TMEM132C: variants seen among roughly 807,000 people sequenced by gnomAD.
TMEM132C encodes protein phosphatase 1, regulatory subunit 152.
TMEM132C carries 29 observed loss-of-function variants against 61.4 expected under a neutral mutation model. The observed-to-expected ratio is 0.47, with a 90% confidence interval of 0.35 to 0.64. The LOEUF is 0.64. Ranked by LOEUF, TMEM132C falls within the 30% of genes least tolerant of loss-of-function variation. The pLI is 0.00. For synonymous variants in TMEM132C, 656 were observed against 633.1 expected (o/e 1.04, Z -0.54); for missense variants, 1,408 against 1,476.9 (o/e 0.95, Z 0.76).
chr12:128,464,299 TC>T (rs1053746245), intron 2 of TMEM132C, among the ~76,000 whole-genome samples: 2 of 152,110 alleles, frequency 1.3e-5, no homozygotes, highest in African/African-American at 2.4e-5. Context: ...GCCTTGGACC[TC>T]CCTTTCTCCC....
chr12:128,577,100 C>G (rs926437972), intron 3 of TMEM132C, among the ~76,000 whole-genome samples: 3 of 152,172 alleles, frequency 2.0e-5, no homozygotes, highest in Non-Finnish European at 4.4e-5. Flanking sequence ...TCCCCACAGC[C>G]CCCATCAACC....
intron 3 of TMEM132C, among the ~76,000 whole-genome samples, chr12:128,563,906 C>T (rs1372099859): frequency 6.6e-6 from 1 of 152,166 alleles, no homozygotes; most frequent in Non-Finnish European, 1.5e-5. Flanking sequence ...TGCACTCAGA[C>T]CTTGGCGATG....
intron 4 of TMEM132C, among the ~76,000 whole-genome samples, chr12:128,639,001 GTGATGATGA>G (rs1593129343): frequency 1.1e-5 from 1 of 91,138 alleles, no homozygotes; most frequent in African/African-American, 3.8e-5. Context: ...GGTGATGGTG[GTGATGATGA>G]TGGTGGTGAT....
intron 3 of TMEM132C, among the ~76,000 whole-genome samples, chr12:128,593,924 C>T (rs1465294373): frequency 6.6e-6 from 1 of 152,082 alleles, no homozygotes; most frequent in Admixed American, 6.5e-5. Context: ...AGAATGCTGG[C>T]AGGTGTGGTA....
At chr12:128,345,427 T>C (rs1274693783) in intron 1 of TMEM132C, among the ~76,000 whole-genome samples, 2 of 152,186 alleles carry the variant, frequency 1.3e-5, no homozygotes, top group Admixed American at 6.5e-5. Context: ...TACCTAGTAA[T>C]AGGATTACTG....
At chr12:128,525,165 A>G (rs1364763559) in intron 2 of TMEM132C, among the ~76,000 whole-genome samples, 1 of 152,186 alleles carries the variant, frequency 6.6e-6, no homozygotes, top group Non-Finnish European at 1.5e-5. Context: ...CAGAGGATGA[A>G]TCATGATTGG....
At chr12:128,596,437 G>A (rs974517726) in intron 3 of TMEM132C, among the ~76,000 whole-genome samples, 4 of 148,254 alleles carry the variant, frequency 2.7e-5, no homozygotes, top group African/African-American at 5.0e-5. Flanking sequence ...CCTTTCGCAG[G>A]TCTTGGTACA....
chr12:128,594,059 G>C, intron 3 of TMEM132C, among the ~76,000 whole-genome samples: 1 of 50,008 alleles, frequency 2.0e-5, no homozygotes, highest in Non-Finnish European at 3.9e-5. Flanking sequence ...ACCCACTGAG[G>C]AAACAAGAGG....
chr12:128,406,828 C>G (rs1483774791), intron 1 of TMEM132C, among the ~76,000 whole-genome samples: 1 of 152,164 alleles, frequency 6.6e-6, no homozygotes, highest in African/African-American at 2.4e-5. Context: ...AAGGTGAGCC[C>G]TGTTGCCAAG....
chr12:128,271,647 G>A (rs1358636005), intron 1 of TMEM132C, among the ~76,000 whole-genome samples: 1 of 152,158 alleles, frequency 6.6e-6, no homozygotes, highest in Non-Finnish European at 1.5e-5. Flanking sequence ...TCCTCCTCTG[G>A]AGAATGTGTT....
chr12:128,488,125 T>G (rs903746784), intron 2 of TMEM132C, among the ~76,000 whole-genome samples: 2 of 152,170 alleles, frequency 1.3e-5, no homozygotes, highest in African/African-American at 2.4e-5. Context: ...CAAAGATGGC[T>G]GCATTTACCA....
At chr12:128,517,972 G>C (rs766911065) in intron 2 of TMEM132C, among the ~76,000 whole-genome samples, 1 of 152,178 alleles carries the variant, frequency 6.6e-6, no homozygotes, top group Non-Finnish European at 1.5e-5. Context: ...GTAGAGCCAG[G>C]AACCTCAGGA....
chr12:128,676,079 G>T (rs985615648), intron 5 of TMEM132C, among the ~76,000 whole-genome samples: 6 of 151,904 alleles, frequency 3.9e-5, no homozygotes, highest in African/African-American at 1.5e-4. Context: ...TTCCAATTTT[G>T]TCAGTTGGCC....
intron 4 of TMEM132C, among the ~76,000 whole-genome samples, chr12:128,644,234 C>T (rs1032607722): frequency 1.3e-4 from 20 of 152,110 alleles, no homozygotes; most frequent in Non-Finnish European, 2.1e-4. Flanking sequence ...TCATACAACC[C>T]GGAAATTCTG....
rs61201583 is a variant in TMEM132C, at chr12:128,636,564, T to TTGTG, written c.1305+20267_1305+20270dup. On this transcript the variant is annotated intron_variant, in intron 4 of 8. Coordinates refer to ENST00000435159, the MANE Select transcript of TMEM132C (RefSeq NM_001136103.3). ...TCTGTTTTGTTTTTTGGGTTTTTGT[T>TTGTG]TGTGTGTGTGTGTGTGTGTGTGTGT... Among the ~76,000 whole-genome samples the TTGTG allele has an allele frequency of 6.0e-3, 850 of 142,328 alleles. 3 individuals carry two copies. Among genetic ancestry groups the TTGTG allele is most frequent in the African/African-American group, 0.014 (523 of 38,144 alleles). The allele number at this position is 142,328 out of a possible 152,430, so 93.4% of individuals were successfully genotyped here. A position where few individuals can be genotyped will look rare whatever the true frequency, so the allele number is the denominator to read the frequency against.
Position 128,267,500 on chromosome 12 carries a change from C to A in TMEM132C, c.85+13C>A. 8.1e-7 allele frequency: 1 copy of A among 1,239,426 alleles called. No homozygotes were observed. The highest frequency in any genetic ancestry group is 3.3e-5 in the South Asian group (1 of 30,300). 76.8% of individuals were successfully genotyped at this position (1,239,426 alleles called of 1,614,324 possible). ...CTGCTGGGCAAAGGTAAGGCCGGGG[C>A]GGGTGCCTGGCGCGCCGACGCATGC... is the stretch of plus-strand genomic sequence containing the variant. On this transcript the variant is annotated intron_variant, in intron 1 of 8. Coordinates refer to ENST00000435159, the MANE Select transcript of TMEM132C (RefSeq NM_001136103.3).
At chr12:128,510,422 TA>T (rs1345554613) in intron 2 of TMEM132C, among the ~76,000 whole-genome samples, 1 of 152,112 alleles carries the variant, frequency 6.6e-6, no homozygotes, top group Non-Finnish European at 1.5e-5. Flanking sequence ...CTTGCTTTTT[TA>T]AAAAAATAAA....
intron 2 of TMEM132C, among the ~76,000 whole-genome samples, chr12:128,521,730 G>C (rs1238347390): frequency 6.6e-6 from 1 of 152,162 alleles, no homozygotes; most frequent in Admixed American, 6.5e-5. Flanking sequence ...AGCCTGTCCT[G>C]AGAAGGCAGA....
intron 1 of TMEM132C, among the ~76,000 whole-genome samples, chr12:128,330,470 A>G (rs1872640768): frequency 6.6e-6 from 1 of 152,150 alleles, no homozygotes; most frequent in African/African-American, 2.4e-5. Context: ...GGAGGATCAC[A>G]TGAGCCCAGG....
Sources: allele counts gnomAD v4.1 joint callset (sites outside exome capture counted in the v4.1 genomes callset), GRCh38; gene constraint gnomAD v4.1.1; transcripts MANE v1.5; gene names NCBI Gene and HGNC (gene_info 2026-07-23, HGNC 2026-07-21).